Variants in SYNE1 observed in about 807,000 individuals in gnomAD.
SYNE1 encodes nesprin-1.
In SYNE1, 616 loss-of-function variants were observed where a neutral mutation model predicts 1,111.0. The ratio of observed to expected loss-of-function variants is 0.55; its 90% CI spans 0.52 to 0.59. SYNE1 has a LOEUF of 0.59. SYNE1 is among the 20% of genes least tolerant of loss of function. The pLI, the probability that SYNE1 is intolerant of heterozygous loss-of-function variation, is 0.00. For missense variants in SYNE1, 10,006 were observed against 10,417.0 expected (o/e 0.96, Z 1.72); for synonymous variants, 3,855 against 3,825.8 (o/e 1.01, Z -0.28).
intron 100 of SYNE1, among the ~76,000 whole-genome samples, chr6:152,266,606 T>A (rs1019028471): frequency 4.6e-5 from 7 of 152,224 alleles, no homozygotes; most frequent in African/African-American, 1.4e-4. Context: ...TTATTTAAAG[T>A]CAGTCCCTGC....
intron 14 of SYNE1, among the ~76,000 whole-genome samples, chr6:152,474,830 T>C (rs1295261157): frequency 6.6e-6 from 1 of 152,174 alleles, no homozygotes; most frequent in Non-Finnish European, 1.5e-5. Context: ...TTTATAACTT[T>C]CTTGCTAGTA....
chr6:152,618,024 A>G (rs2099664843), intron 3 of SYNE1, among the ~76,000 whole-genome samples: 1 of 152,186 alleles, frequency 6.6e-6, no homozygotes, highest in African/African-American at 2.4e-5. Flanking sequence ...TTTATCTGGA[A>G]GGTTATAGTG....
chr6:152,635,208 G>A (rs184425004), intron 2 of SYNE1, among the ~76,000 whole-genome samples: 60 of 152,304 alleles, frequency 3.9e-4, no homozygotes, highest in African/African-American at 1.4e-3. Context: ...AGGTCAATGA[G>A]GACAGAAGAA....
rs1051155121 is a variant in SYNE1 at position 152,527,430 on chromosome 6, T to G, written c.130-1255A>C. 7.9e-5 allele frequency among the ~76,000 whole-genome samples: 12 copies of G among 152,208 alleles called. 1 individual carries two copies. The highest frequency in any genetic ancestry group is 2.9e-4 in the African/African-American group (12 of 41,458). ...GATCATTCTCTTTCAAATTCCACCA[T>G]TCACGCTGCTTCTTACTTACATAGC... On this transcript the variant is annotated intron_variant, in intron 4 of 145. Coordinates refer to ENST00000367255, the MANE Select transcript of SYNE1 (RefSeq NM_182961.4).
chr6:152,552,698 A>G (rs1462981850), intron 3 of SYNE1, among the ~76,000 whole-genome samples: 25 of 152,206 alleles, frequency 1.6e-4, no homozygotes, highest in Non-Finnish European at 1.5e-5. Flanking sequence ...TAGAAATTGC[A>G]ATCTCAAATT....
Position 152,520,619 on chromosome 6 carries a change from G to T in SYNE1, c.226-77C>A, listed in dbSNP as rs564942764. ...TGTTAGTTATAAGATCTATTTAAAT[G>T]GATTAAAAATATACTTGAAGAATAT... On this transcript the variant is annotated intron_variant, in intron 5 of 145. Transcript: ENST00000367255. 2.7e-6 allele frequency: 4 copies of T among 1,475,868 alleles called. No individual in the cohort carries two copies. The East Asian group carries it at 9.2e-5, about 34-fold the overall frequency. 91.4% of individuals were successfully genotyped at this position (1,475,868 alleles called of 1,614,324 possible).
chr6:152,613,280 G>T (rs181732746), intron 3 of SYNE1, among the ~76,000 whole-genome samples: 24 of 152,322 alleles, frequency 1.6e-4, no homozygotes, highest in Non-Finnish European at 3.1e-4. Context: ...TCCTTAAGCT[G>T]ATAAGCAACT....
rs1313517011 is a variant in SYNE1 at position 152,391,552 on chromosome 6, G to A, written c.7729C>T (p.Leu2577Phe). ...CTCAGAAGCTGCCCTCTCTGGGAAA[G>A]CTTATCAAGAGACTCTCTGAAAAAA... ...LLAARESLDKLSQRGQLLSEE... is the reference protein window; with the variant it reads ...LLAARESLDKFSQRGQLLSEE... Residue 2577 changes from leucine (L) to phenylalanine (F), a missense_variant, in exon 52 of 146, where the codon CTT becomes TTT. Physicochemically the swap from Leu to Phe is conservative, Grantham distance 22 (BLOSUM62 0). Transcript: ENST00000367255. 6.3e-6 allele frequency: 9 copies of A among 1,430,210 alleles called. No homozygotes were observed. The highest frequency in any genetic ancestry group is 8.6e-6 in the Non-Finnish European group (9 of 1,052,546). The allele number at this position is 1,430,210 out of a possible 1,614,324, so 88.6% of individuals were successfully genotyped here. A position where few individuals can be genotyped will look rare whatever the true frequency, so the allele number is the denominator to read the frequency against.
intron 6 of SYNE1, among the ~76,000 whole-genome samples, chr6:152,517,184 TG>T (rs2154344867): frequency 6.6e-6 from 1 of 152,336 alleles, no homozygotes; most frequent in East Asian, 1.9e-4. Context: ...TCTGTAAATT[TG>T]TATTTTCTAG....
intron 97 of SYNE1, among the ~76,000 whole-genome samples, 188 bp from the exon 98 acceptor site, chr6:152,278,468 A>G (rs2093795623): frequency 6.6e-6 from 1 of 150,556 alleles, no homozygotes; most frequent in Admixed American, 6.6e-5. Flanking sequence ...TTTTTAATTT[A>G]TTTTTATTTT....
intron 18 of SYNE1, 134 bp from the exon 19 acceptor site, chr6:152,463,651 T>A: frequency 2.5e-6 from 2 of 815,542 alleles, no homozygotes; most frequent in South Asian, 1.6e-5. Context: ...CAAATCTCTT[T>A]AAAATGCACA....
At chr6:152,412,996 C>T (rs1204276178) in intron 42 of SYNE1, among the ~76,000 whole-genome samples, 4 of 152,008 alleles carry the variant, frequency 2.6e-5, no homozygotes, top group African/African-American at 7.2e-5. Flanking sequence ...GCATTACAGG[C>T]ACCCTCTACC....
chr6:152,491,031 C>T (rs997487939), intron 11 of SYNE1, among the ~76,000 whole-genome samples: 4 of 152,234 alleles, frequency 2.6e-5, no homozygotes, highest in Non-Finnish European at 2.9e-5. Flanking sequence ...GGGTCACGGA[C>T]TTGGGAAGAC....
intron 4 of SYNE1, among the ~76,000 whole-genome samples, chr6:152,534,643 T>C (rs1459781335): frequency 6.6e-6 from 1 of 152,206 alleles, no homozygotes; most frequent in Non-Finnish European, 1.5e-5. Context: ...GGGTGAATTA[T>C]TGCATTTACC....
chr6:152,283,965 A>C lies in SYNE1; in HGVS notation c.18207+13T>G, dbSNP rs754506309. 5.6e-6 allele frequency: 9 copies of C among 1,609,956 alleles called. No individual in the cohort carries two copies. In the Admixed American group the frequency reaches 1.5e-4, roughly 27 times the overall value. ...CTCAGAAGTGAGGAGGCCACTTTAC[A>C]GTTATTGGTTACCTCCAAAAGCTGC... is the stretch of plus-strand genomic sequence containing the variant. On this transcript the variant is annotated intron_variant, in intron 96 of 145. Transcript: ENST00000367255.
At chr6:152,473,515 C>A (rs958335363) in intron 14 of SYNE1, among the ~76,000 whole-genome samples, 2 of 152,132 alleles carry the variant, frequency 1.3e-5, no homozygotes, top group Non-Finnish European at 2.9e-5. Context: ...CTATTTCTAA[C>A]CTGATATATT....
At position 152,510,253 on chromosome 6, in the gene SYNE1, G is replaced by C. The variant is rs1008063944; in HGVS notation, c.521C>G (p.Thr174Ser). The change falls in exon 8 of 146, where the codon ACC becomes AGC. Residue 174 changes from threonine (T) to serine (S), a missense_variant. This residue lies in a region of SYNE1 where 1,971 missense variants were observed against 2,084.1 expected (regional missense o/e 0.95). Coordinates refer to ENST00000367255, the MANE Select transcript of SYNE1 (RefSeq NM_182961.4). ...PSPPSKRKVT[T>S]KIQGNAKKAL... ...CTTCTTAGCATTTCCTTGGATCTTG[G>C]TGGTCACCTTCCGTTTACTTGGTGG... The C allele has an allele frequency of 6.2e-7, 1 of 1,613,876 alleles. No homozygotes were observed. The highest frequency in any genetic ancestry group is 1.7e-5 in the Admixed American group (1 of 59,996).
At chr6:152,467,813 T>G (rs1344729075) in intron 16 of SYNE1, among the ~76,000 whole-genome samples, 1 of 152,130 alleles carries the variant, frequency 6.6e-6, no homozygotes, top group African/African-American at 2.4e-5. Context: ...GTATTTTAAA[T>G]TTGTATTGGT....
chr6:152,174,310 G>A (rs1197924112), intron 130 of SYNE1, among the ~76,000 whole-genome samples: 1 of 152,176 alleles, frequency 6.6e-6, no homozygotes, highest in East Asian at 1.9e-4. Flanking sequence ...TCATTTTAGT[G>A]AGGGAGAAGT....
Sources: allele counts gnomAD v4.1 joint callset (sites outside exome capture counted in the v4.1 genomes callset), GRCh38; gene constraint gnomAD v4.1.1; regional missense constraint gnomAD v4.1.1; transcripts MANE v1.5; gene names NCBI Gene and HGNC (gene_info 2026-07-23, HGNC 2026-07-21).